The following SLX4IP variants were observed in gnomAD, a reference collection of about 807,000 sequenced individuals.
SLX4IP encodes the protein protein SLX4IP.
A neutral mutation model predicts 32.9 loss-of-function variants in SLX4IP; 34 were observed. That is an observed-to-expected ratio of 1.03 (90% CI 0.79 to 1.38). The LOEUF is 1.38. Ranked by LOEUF, SLX4IP falls within the 40% of genes most tolerant of loss-of-function variation. SLX4IP has a pLI of 0.00. For synonymous variants in SLX4IP, 172 were observed against 171.7 expected (o/e 1.00, Z -0.01); for missense variants, 444 against 479.0 (o/e 0.93, Z 0.68).
rs563750971 is a variant in SLX4IP, at chr20:10,441,298, T to C, written c.-30+5845T>C. On this transcript the variant is annotated intron_variant, in intron 1 of 7. Coordinates refer to ENST00000334534, the MANE Select transcript of SLX4IP (RefSeq NM_001009608.3). ...AAAAAATACAAAAATTAGCTGGGCATGGTGGCTTACACCTGTAGTCCCAGC... is the reference window on the plus strand; with the variant it reads ...AAAAAATACAAAAATTAGCTGGGCACGGTGGCTTACACCTGTAGTCCCAGC... 2.6e-5 allele frequency among the ~76,000 whole-genome samples: 4 copies of C among 152,214 alleles called. No individual in the cohort carries two copies. The South Asian group carries it at 8.3e-4, about 32-fold the overall frequency.
At chr20:10,600,060 G>T (rs1600144439) in intron 5 of SLX4IP, among the ~76,000 whole-genome samples, 1 of 151,852 alleles carries the variant, frequency 6.6e-6, no homozygotes, top group African/African-American at 2.4e-5. Context: ...TTAGGGGGGG[G>T]AGGTGGAAAA....
intron 2 of SLX4IP, among the ~76,000 whole-genome samples, chr20:10,540,465 G>A (rs1176778534): frequency 2.0e-5 from 3 of 152,118 alleles, no homozygotes; most frequent in Admixed American, 6.5e-5. Context: ...TCACTTATCC[G>A]AGGAGGATAC....
intron 3 of SLX4IP, among the ~76,000 whole-genome samples, chr20:10,559,706 AAC>A (rs1345191414): frequency 6.6e-6 from 1 of 152,236 alleles, no homozygotes; most frequent in Non-Finnish European, 1.5e-5. Flanking sequence ...TATTATAAAT[AAC>A]ACCAAAACAA....
chr20:10,604,085 G>C (rs1271382848), intron 6 of SLX4IP, among the ~76,000 whole-genome samples: 1 of 152,092 alleles, frequency 6.6e-6, no homozygotes, highest in Non-Finnish European at 1.5e-5. Context: ...AGTATTCCCT[G>C]GACTTGCTTC....
chr20:10,468,853 T>C (rs2065401044), intron 2 of SLX4IP, among the ~76,000 whole-genome samples: 2 of 152,214 alleles, frequency 1.3e-5, no homozygotes, highest in Non-Finnish European at 2.9e-5. Flanking sequence ...TGCTTTTATA[T>C]ACATTATGCC....
chr20:10,547,895 G>A (rs1230544972), intron 2 of SLX4IP, among the ~76,000 whole-genome samples: 1 of 152,158 alleles, frequency 6.6e-6, no homozygotes, highest in African/African-American at 2.4e-5. Flanking sequence ...CTCCACAAAG[G>A]CCACCTGGTG....
intron 2 of SLX4IP, among the ~76,000 whole-genome samples, chr20:10,513,349 T>C (rs1417217160): frequency 6.6e-6 from 1 of 152,198 alleles, no homozygotes; most frequent in Non-Finnish European, 1.5e-5. Context: ...AGGCCTACAC[T>C]GTCTGGCTCC....
intron 2 of SLX4IP, among the ~76,000 whole-genome samples, chr20:10,470,281 G>A (rs932253486): frequency 6.6e-6 from 1 of 152,202 alleles, no homozygotes; most frequent in Non-Finnish European, 1.5e-5. Flanking sequence ...ATGGGGTAGC[G>A]ATTGAGAGTG....
At chr20:10,460,294 CT>C (rs2065325621) in intron 2 of SLX4IP, among the ~76,000 whole-genome samples, 1 of 152,184 alleles carries the variant, frequency 6.6e-6, no homozygotes, top group African/African-American at 2.4e-5. Flanking sequence ...TGTATTGATG[CT>C]TAAATCCACC....
chr20:10,618,092 A>G (rs770834436), intron 6 of SLX4IP, among the ~76,000 whole-genome samples: 2 of 152,244 alleles, frequency 1.3e-5, no homozygotes, highest in African/African-American at 4.8e-5. Context: ...CCCATACAGG[A>G]ATAGGGTAAT....
At chr20:10,595,544 A>G (rs1319535386) in intron 4 of SLX4IP, among the ~76,000 whole-genome samples, 1 of 152,210 alleles carries the variant, frequency 6.6e-6, no homozygotes, top group Non-Finnish European at 1.5e-5. Context: ...TTTAGAGAGT[A>G]GTGGAGCTTT....
At chr20:10,621,726 A>G (rs1169836132) in intron 7 of SLX4IP, among the ~76,000 whole-genome samples, 3 of 152,284 alleles carry the variant, frequency 2.0e-5, no homozygotes, top group South Asian at 2.1e-4. Context: ...TTCCTTTCCT[A>G]GGATCCTTGT....
At chr20:10,530,708 A>G (rs2065981614) in intron 2 of SLX4IP, among the ~76,000 whole-genome samples, 1 of 152,184 alleles carries the variant, frequency 6.6e-6, no homozygotes. Context: ...GCCTTTTTCC[A>G]TCTTGCTTTA....
At chr20:10,482,659 A>G (rs1285900136) in intron 2 of SLX4IP, among the ~76,000 whole-genome samples, 1 of 152,122 alleles carries the variant, frequency 6.6e-6, no homozygotes, top group Non-Finnish European at 1.5e-5. Flanking sequence ...TGCCATGGGA[A>G]CATCCTCCCT....
intron 7 of SLX4IP, among the ~76,000 whole-genome samples, chr20:10,621,769 G>T (rs553625295): frequency 2.0e-5 from 3 of 152,196 alleles, no homozygotes; most frequent in Admixed American, 2.0e-4. Flanking sequence ...TAATCCTCAT[G>T]CTCCTGGTGT....
At chr20:10,555,247 T>C (rs1337432550) in intron 2 of SLX4IP, among the ~76,000 whole-genome samples, 1 of 151,602 alleles carries the variant, frequency 6.6e-6, no homozygotes, top group African/African-American at 2.4e-5. Context: ...AAACTGAACC[T>C]CTGAGTCTCA....
intron 4 of SLX4IP, among the ~76,000 whole-genome samples, chr20:10,596,520 A>T (rs2066773008): frequency 6.6e-6 from 1 of 152,132 alleles, no homozygotes; most frequent in Non-Finnish European, 1.5e-5. Context: ...TGAGCACCAC[A>T]CTGGGCCTGA....
intron 2 of SLX4IP, among the ~76,000 whole-genome samples, chr20:10,507,346 C>T (rs2065768135): frequency 6.6e-6 from 1 of 151,990 alleles, no homozygotes; most frequent in Non-Finnish European, 1.5e-5. Flanking sequence ...GAGGAAGAGG[C>T]CACTATGACT....
At chr20:10,622,060 T>A (rs940901470) in intron 7 of SLX4IP, among the ~76,000 whole-genome samples, 3 of 152,250 alleles carry the variant, frequency 2.0e-5, no homozygotes, top group African/African-American at 7.2e-5. Flanking sequence ...CACTCTTTTG[T>A]CTTCCACGAT....
Sources: allele counts gnomAD v4.1 joint callset (sites outside exome capture counted in the v4.1 genomes callset), GRCh38; gene constraint gnomAD v4.1.1; transcripts MANE v1.5; gene names NCBI Gene and HGNC (gene_info 2026-07-23, HGNC 2026-07-21).